GARNL3: variants seen among roughly 807,000 people sequenced by gnomAD.
GARNL3 encodes GTPase-activating Rap/Ran-GAP domain-like protein 3.
In GARNL3, 63 loss-of-function variants were observed where a neutral mutation model predicts 125.0. The observed-to-expected ratio is 0.50, with a 90% CI of 0.41 to 0.62. GARNL3 has a LOEUF of 0.62. Ranked by LOEUF, GARNL3 falls within the 20% of genes least tolerant of loss-of-function variation. The probability of loss-of-function intolerance (pLI) is 0.00; values close to 1 mark genes in which losing one functional copy is unlikely to be tolerated. For synonymous variants in GARNL3, 439 were observed against 457.5 expected, an observed-to-expected ratio of 0.96 and a Z score of 0.52; for missense variants, 994 against 1,244.0, an observed-to-expected ratio of 0.80 and a Z score of 3.02.
chr9:127,353,645 A>G, intron 17 of GARNL3: 1 of 575,688 alleles, frequency 1.7e-6, no homozygotes, highest in Non-Finnish European at 3.1e-6. Context: ...GCCTATGGGA[A>G]GAAAGCATCA....
At chr9:127,309,861 G>T (rs989283091) in intron 2 of GARNL3, among the ~76,000 whole-genome samples, 2 of 152,108 alleles carry the variant, frequency 1.3e-5, no homozygotes, top group Non-Finnish European at 2.9e-5. Flanking sequence ...CTAGTAAATC[G>T]CTAGAGGCAT....
chr9:127,283,309 C>T (rs2064151387), intron 1 of GARNL3, among the ~76,000 whole-genome samples: 1 of 152,178 alleles, frequency 6.6e-6, no homozygotes, highest in Non-Finnish European at 1.5e-5. Context: ...GTAGTAGTCA[C>T]ACATAGCCAC....
At chr9:127,264,693 C>G (rs1004742608), upstream of GARNL3, 71 of 1,221,940 alleles carry the variant, frequency 5.8e-5, no homozygotes, top group Non-Finnish European at 7.3e-5. Context: ...TTCCAAATGA[C>G]TAAATATTTA....
intron 22 of GARNL3, among the ~76,000 whole-genome samples, chr9:127,369,902 C>G (rs552936262): frequency 6.6e-6 from 1 of 152,220 alleles, no homozygotes; most frequent in Admixed American, 6.5e-5. Flanking sequence ...ATTGCTGGAG[C>G]AAGTCCCTGC....
Position 127,389,105 on chromosome 9 carries a change from G to A in GARNL3, c.2729G>A (p.Arg910His), listed in dbSNP as rs1451585863. 5 of 1,612,866 alleles carry A rather than the reference G, an allele frequency of 3.1e-6. No homozygotes were observed. Among genetic ancestry groups the A allele is most frequent in the East Asian group, 2.2e-5 (1 of 44,902 alleles). Reference protein sequence around the residue: ...MEIKEIASRTRRELLGLSDEG... With the variant: ...MEIKEIASRTHRELLGLSDEG... ...ATCAAAGAAATAGCAAGCAGGACCC[G>A]CAGGGAACTACTGGGTAATGGTTCT... Residue 910 changes from arginine (R) to histidine (H), a missense_variant, in exon 26 of 28, where the codon CGC (arginine) becomes CAC (histidine). Arg to His is a conservative substitution (Grantham distance 29, BLOSUM62 0). Coordinates refer to ENST00000373387, the MANE Select transcript of GARNL3 (RefSeq NM_032293.5).
chr9:127,375,156 T>C (rs1419068654), intron 22 of GARNL3, among the ~76,000 whole-genome samples: 1 of 151,976 alleles, frequency 6.6e-6, no homozygotes, highest in African/African-American at 2.4e-5. Flanking sequence ...CTTCTAGGAA[T>C]GGATGCAAAA....
chr9:127,224,917 TGGGCGG>T lies in GARNL3; in HGVS notation c.-29+582_-29+587del. 6.7e-4 allele frequency among the ~76,000 whole-genome samples: 3 copies of T among 4,466 alleles called. 1 individual carries two copies. Among genetic ancestry groups the T allele is most frequent in the African/African-American group, 2.1e-3 (3 of 1,424 alleles). The allele number at this position is 4,466 out of a possible 152,430, so 2.9% of individuals were successfully genotyped here. ...CGTTACCGGAGCGCGGGGCGGGGCG[TGGGCGG>T]GGCGTGGGCGGGGCGTGGGCGGGGC... On this transcript the variant is annotated intron_variant, in intron 1 of 10. Coordinates refer to the GARNL3 transcript ENST00000439286.
chr9:127,235,906 TG>T (rs2063104563), intron 1 of GARNL3, among the ~76,000 whole-genome samples: 1 of 152,210 alleles, frequency 6.6e-6, no homozygotes, highest in African/African-American at 2.4e-5. Flanking sequence ...GTTGAAAATT[TG>T]TTTTTGTTTG....
upstream of GARNL3, among the ~76,000 whole-genome samples, chr9:127,260,912 A>G (rs1564856651): frequency 1.3e-5 from 2 of 152,168 alleles, no homozygotes; most frequent in Non-Finnish European, 2.9e-5. Flanking sequence ...AAGGCAATAA[A>G]AGTTATTGCT....
chr9:127,360,312 G>A (rs993106295), intron 21 of GARNL3, among the ~76,000 whole-genome samples: 2 of 151,934 alleles, frequency 1.3e-5, no homozygotes, highest in Non-Finnish European at 2.9e-5. Context: ...GTGAGCCACC[G>A]CACCCGGCCA....
At chr9:127,381,729 T>C (rs1832270044) in intron 22 of GARNL3, among the ~76,000 whole-genome samples, 1 of 151,498 alleles carries the variant, frequency 6.6e-6, no homozygotes, top group Non-Finnish European at 1.5e-5. Context: ...CCTGAGTAGC[T>C]GGGACTACAG....
upstream of GARNL3, chr9:127,264,699 A>G (rs950666088): frequency 8.1e-7 from 1 of 1,228,164 alleles, no homozygotes; most frequent in Non-Finnish European, 1.0e-6. Flanking sequence ...ATGACTAAAT[A>G]TTTAATTGAA....
Position 127,264,914 on chromosome 9 carries a change from T to G in GARNL3, c.37T>G (p.Ser13Ala). ...VDFCRRFVAR[S>A]LCIILMKHFC... ...TTTTTGCAGAAGGTTTGTGGCCAGATCGCTATGTATAATACTGATGAAGCA... is the reference window on the plus strand; with the variant it reads ...TTTTTGCAGAAGGTTTGTGGCCAGAGCGCTATGTATAATACTGATGAAGCA... The change falls in exon 1 of 28, where the codon TCG becomes GCG. Residue 13 changes from serine (S) to alanine (A), a missense_variant. By Grantham distance (99) the Ser-to-Ala change is moderately conservative. Transcript: ENST00000373387. 6.2e-7 allele frequency: 1 copy of G among 1,602,962 alleles called. No homozygotes were observed. Among genetic ancestry groups the G allele is most frequent in the Non-Finnish European group, 8.5e-7 (1 of 1,173,742 alleles).
intron 2 of GARNL3, among the ~76,000 whole-genome samples, chr9:127,292,459 G>A (rs1405272880): frequency 6.6e-6 from 1 of 152,196 alleles, no homozygotes; most frequent in Non-Finnish European, 1.5e-5. Flanking sequence ...TTGAGTTATT[G>A]CTCTCCAGTG....
At chr9:127,295,951 G>T (rs1301440261) in intron 2 of GARNL3, among the ~76,000 whole-genome samples, 1 of 152,130 alleles carries the variant, frequency 6.6e-6, no homozygotes, top group African/African-American at 2.4e-5. Flanking sequence ...GGTAGAATCA[G>T]TGGGAGCCCT....
chr9:127,371,884 T>G (rs1194236176), intron 22 of GARNL3, among the ~76,000 whole-genome samples: 1 of 152,166 alleles, frequency 6.6e-6, no homozygotes, highest in East Asian at 1.9e-4. Flanking sequence ...AATAGCAAAA[T>G]AAGAGTCTTT....
intron 21 of GARNL3, chr9:127,363,679 T>C (rs1169986750): frequency 6.6e-6 from 1 of 152,370 alleles, no homozygotes; most frequent in African/African-American, 2.4e-5. Context: ...AACATGGTGC[T>C]CCTGTGAGGA....
intron 4 of GARNL3, among the ~76,000 whole-genome samples, chr9:127,314,187 A>G (rs2065170658): frequency 1.3e-5 from 2 of 152,138 alleles, no homozygotes; most frequent in African/African-American, 2.4e-5. Context: ...GAAGCTCTCC[A>G]TCCCTTCCTG....
rs2063214704 is a variant in GARNL3, at chr9:127,242,037, G to A, written c.-28-1042G>A. ...CACTATAGAACCTTCAGAGTGGCCA[G>A]TGCCTATCTGATTCCAAAGCCCCAA... is the stretch of plus-strand genomic sequence containing the variant. On this transcript the variant is annotated intron_variant, in intron 1 of 10. Transcript: ENST00000439286. This position sits in a 1 kb window ranked among gnomAD's most constrained non-coding sequence, Gnocchi z 4.6. Among the ~76,000 whole-genome samples the A allele has an allele frequency of 6.6e-6, 1 of 152,074 alleles. No homozygotes were observed. The highest frequency in any genetic ancestry group is 2.1e-4 in the South Asian group (1 of 4,822).
Sources: gnomAD v4.1 joint callset for allele counts (sites outside exome capture counted in the v4.1 genomes callset) on GRCh38, gnomAD v4.1.1 for gene constraint, Gnocchi (gnomAD v3.1) non-coding constraint, MANE v1.5 for transcripts, NCBI Gene and HGNC (gene_info 2026-07-23, HGNC 2026-07-21) for gene names.